The following CRISPLD2 variants were observed in gnomAD, a reference collection of about 807,000 sequenced individuals.
CRISPLD2 encodes cysteine rich secretory protein LCCL domain containing 2.
Under a neutral mutation model 71.1 loss-of-function variants are expected in CRISPLD2, and 47 were observed. The ratio of observed to expected loss-of-function variants is 0.66; its 90% CI spans 0.52 to 0.84. CRISPLD2 has a LOEUF of 0.84. CRISPLD2 is among the 40% of genes least tolerant of loss of function. CRISPLD2 has a pLI of 0.00. For missense variants in CRISPLD2, 830 were observed against 651.1 expected (o/e 1.27, Z -2.99); for synonymous variants, 317 against 250.1 (o/e 1.27, Z -2.52).
chr16:84,848,784 A>G (rs1215693299), intron 3 of CRISPLD2, among the ~76,000 whole-genome samples: 6 of 152,154 alleles, frequency 3.9e-5, no homozygotes, highest in Admixed American at 2.6e-4. Flanking sequence ...TTAGACAACA[A>G]TATCTGTGAA....
chr16:84,836,612 C>T (rs1046886701), intron 1 of CRISPLD2, among the ~76,000 whole-genome samples: 5 of 152,174 alleles, frequency 3.3e-5, no homozygotes, highest in Admixed American at 3.3e-4. Flanking sequence ...ATGGGAACCA[C>T]AGCATTCCCA....
intron 13 of CRISPLD2, chr16:84,880,824 A>T (rs1171202456): frequency 5.6e-6 from 2 of 355,718 alleles, no homozygotes; most frequent in Non-Finnish European, 1.0e-5. Context: ...TTGTACCTCA[A>T]CCTGCCAAGT....
chr16:84,863,992 GA>G (rs890297473), intron 6 of CRISPLD2, among the ~76,000 whole-genome samples: 17 of 112,546 alleles, frequency 1.5e-4, no homozygotes, highest in African/African-American at 2.5e-4. Context: ...AAGAGAGAGA[GA>G]AAAAAAAAGA....
At chr16:84,825,895 T>C (rs1916339999) in intron 1 of CRISPLD2, among the ~76,000 whole-genome samples, 1 of 152,044 alleles carries the variant, frequency 6.6e-6, no homozygotes, top group Non-Finnish European at 1.5e-5. Flanking sequence ...AGGCTGAGGC[T>C]GCAGTGAGCA....
At chr16:84,851,145 C>A (rs559887175) in intron 5 of CRISPLD2, among the ~76,000 whole-genome samples, 24 of 152,358 alleles carry the variant, frequency 1.6e-4, no homozygotes, top group African/African-American at 4.6e-4. Flanking sequence ...CCAGCATGGT[C>A]TGCCCTGGCA....
Position 84,907,720 on chromosome 16 carries a change from C to T in CRISPLD2, c.*1078C>T, listed in dbSNP as rs927475091. 1 of 152,192 alleles carries T rather than the reference C, an allele frequency of 6.6e-6. No homozygotes were observed. The highest frequency in any genetic ancestry group is 2.4e-5 in the African/African-American group (1 of 41,430). The allele number at this position is 152,192 out of a possible 1,614,324, so 9.4% of individuals were successfully genotyped here. A position where few individuals can be genotyped will look rare whatever the true frequency, so the allele number is the denominator to read the frequency against. ...GGAATGGAGTCTTTGGTACATTCCT[C>T]ACCGAGGTTAGCAGCTCAGTTTGTG... is the stretch of plus-strand genomic sequence containing the variant. On this transcript the variant is annotated 3_prime_UTR_variant, in exon 15 of 15. Coordinates refer to ENST00000262424, the MANE Select transcript of CRISPLD2 (RefSeq NM_031476.4).
intron 12 of CRISPLD2, among the ~76,000 whole-genome samples, chr16:84,878,444 T>C (rs1361922741): frequency 6.6e-6 from 1 of 152,090 alleles, no homozygotes; most frequent in Admixed American, 6.5e-5. Flanking sequence ...CAGGGTGTGG[T>C]CTTGGGTGTC....
chr16:84,896,410 A>C (rs142535217), intron 14 of CRISPLD2, among the ~76,000 whole-genome samples: 4 of 152,156 alleles, frequency 2.6e-5, no homozygotes, highest in African/African-American at 7.2e-5. Context: ...ACACAGACAC[A>C]TACACATATA....
At position 84,845,826 on chromosome 16, in the gene CRISPLD2, C is replaced by A. The variant is rs1490708545; in HGVS notation, c.281C>A (p.Ala94Asp). 6.2e-7 allele frequency: 1 copy of A among 1,613,844 alleles called. No homozygotes were observed. The change falls in exon 3 of 15, where the codon GCC (alanine) becomes GAC (aspartate). Residue 94 changes from alanine (A) to aspartate (D), a missense_variant. Ala to Asp is a moderately radical substitution (Grantham distance 126, BLOSUM62 -2). Transcript: ENST00000262424. ...DELEKSAAAWASQCIWEHGPT... is the reference protein window; with the variant it reads ...DELEKSAAAWDSQCIWEHGPT... The stretch of plus-strand genomic sequence containing the variant: ...CTGGAGAAGTCTGCTGCAGCGTGGG[C>A]CAGTCAGTGCATCTGGGAGCACGGG...
chr16:84,890,228 A>G (rs1192413159), intron 14 of CRISPLD2, among the ~76,000 whole-genome samples: 3 of 152,110 alleles, frequency 2.0e-5, no homozygotes, highest in African/African-American at 7.2e-5. Flanking sequence ...GCGTGGTGGC[A>G]CACGCCTGTA....
At chr16:84,888,942 G>A (rs1413424081) in intron 13 of CRISPLD2, among the ~76,000 whole-genome samples, 1 of 152,202 alleles carries the variant, frequency 6.6e-6, no homozygotes, top group Non-Finnish European at 1.5e-5. Flanking sequence ...CTCTTTGAAG[G>A]CAAGGTCTTT....
chr16:84,888,168 G>T (rs1335565669), intron 13 of CRISPLD2, among the ~76,000 whole-genome samples: 1 of 152,214 alleles, frequency 6.6e-6, no homozygotes, highest in African/African-American at 2.4e-5. Flanking sequence ...AGGAGAATCC[G>T]TTTTCTTGCC....
At position 84,906,622 on chromosome 16, in the gene CRISPLD2, A is replaced by G; in HGVS notation, c.1474A>G (p.Ile492Val). 6.2e-7 allele frequency: 1 copy of G among 1,613,764 alleles called. No individual in the cohort carries two copies. The highest frequency in any genetic ancestry group is 8.5e-7 in the Non-Finnish European group (1 of 1,180,000). The change falls in exon 15 of 15, where the codon ATC becomes GTC. Residue 492 changes from isoleucine (I) to valine (V), a missense_variant. Coordinates refer to ENST00000262424, the MANE Select transcript of CRISPLD2 (RefSeq NM_031476.4). ...TCCTCGGGATGGAAAGGCCTTCCGGATCTTTGCTGTCAGGCAGTGAATTTC... is the reference window on the plus strand; with the variant it reads ...TCCTCGGGATGGAAAGGCCTTCCGGGTCTTTGCTGTCAGGCAGTGAATTTC... ...GTPRDGKAFR[I>V]FAVRQ
intron 6 of CRISPLD2, among the ~76,000 whole-genome samples, chr16:84,861,266 C>T (rs1411605338): frequency 6.6e-6 from 1 of 152,116 alleles, no homozygotes; most frequent in African/African-American, 2.4e-5. Context: ...CCTCTAGAAC[C>T]ACTCCTGGTA....
chr16:84,843,077 C>G lies in CRISPLD2; in HGVS notation c.241-2709C>G, dbSNP rs76608759. 4.8e-3 allele frequency among the ~76,000 whole-genome samples: 733 copies of G among 152,268 alleles called. 8 individuals carry two copies. The highest frequency in any genetic ancestry group is 0.017 in the African/African-American group (709 of 41,546). On this transcript the variant is annotated intron_variant, in intron 2 of 14. Coordinates refer to ENST00000262424, the MANE Select transcript of CRISPLD2 (RefSeq NM_031476.4). ...GGCCGCCCGGGCAGCCCAGAGCAGG[C>G]CTTTCATGTTTTCCTGTTTGTTTAC...
At chr16:84,877,755 CAGG>C (rs1181103758) in intron 12 of CRISPLD2, among the ~76,000 whole-genome samples, 1 of 152,106 alleles carries the variant, frequency 6.6e-6, no homozygotes, top group East Asian at 1.9e-4. Flanking sequence ...GAAGCTGAGG[CAGG>C]AGAATTGCTT....
rs899619253 is a variant in CRISPLD2 at position 84,895,825 on chromosome 16, A to G, written c.1439+6462A>G. Among the ~76,000 whole-genome samples the G allele has an allele frequency of 2.8e-4, 42 of 152,060 alleles. 1 individual carries two copies. Among genetic ancestry groups the G allele is most frequent in the Non-Finnish European group, 1.2e-4 (8 of 68,018 alleles). The stretch of plus-strand genomic sequence containing the variant: ...CTGGATGCTCGCCTCTGGCCCAGGT[A>G]CCTCCCTGGAGAGGCTCATGGACTT... On this transcript the variant is annotated intron_variant, in intron 14 of 14. Transcript: ENST00000262424.
At chr16:84,823,048 C>A (rs1282332529) in intron 1 of CRISPLD2, among the ~76,000 whole-genome samples, 1 of 152,208 alleles carries the variant, frequency 6.6e-6, no homozygotes, top group East Asian at 1.9e-4. Context: ...AGCCGCTCAT[C>A]TCCTTTCTGT....
chr16:84,890,581 T>G (rs571233086), intron 14 of CRISPLD2, among the ~76,000 whole-genome samples: 1 of 152,086 alleles, frequency 6.6e-6, no homozygotes, highest in East Asian at 1.9e-4. Context: ...CAGGAATGCT[T>G]GCACACACCG....
Sources: allele counts gnomAD v4.1 joint callset (sites outside exome capture counted in the v4.1 genomes callset), GRCh38; gene constraint gnomAD v4.1.1; transcripts MANE v1.5; gene names NCBI Gene and HGNC (gene_info 2026-07-23, HGNC 2026-07-21).